PTPRD: variants seen among roughly 807,000 people sequenced by gnomAD.
PTPRD encodes the protein receptor-type tyrosine-protein phosphatase delta.
PTPRD carries 34 observed loss-of-function variants against 214.5 expected under a neutral mutation model. The ratio of observed to expected loss-of-function variants is 0.16; its 90% CI spans 0.12 to 0.21. The LOEUF is 0.21. Ranked by LOEUF, PTPRD falls within the 10% of genes least tolerant of loss-of-function variation. The probability of loss-of-function intolerance (pLI) is 1.00; values close to 1 mark genes in which losing one functional copy is unlikely to be tolerated. For synonymous variants in PTPRD, 1,128 were observed against 845.7 expected (o/e 1.33, Z -5.79); for missense variants, 2,545 against 2,398.7 (o/e 1.06, Z -1.27).
chr9:10,186,689 C>T (rs1279107834), intron 3 of PTPRD, among the ~76,000 whole-genome samples: 1 of 151,990 alleles, frequency 6.6e-6, no homozygotes, highest in Non-Finnish European at 1.5e-5. Context: ...AAGTGTGAAA[C>T]ATTAAGTACA....
At chr9:10,125,395 TTTTTTA>T (rs1228685330) in intron 3 of PTPRD, among the ~76,000 whole-genome samples, 4 of 148,382 alleles carry the variant, frequency 2.7e-5, no homozygotes, top group African/African-American at 9.8e-5. Flanking sequence ...TTCTTTTTTA[TTTTTTA>T]TTTTTATTTA....
At chr9:9,430,627 G>A (rs148907859) in intron 8 of PTPRD, among the ~76,000 whole-genome samples, 1 of 152,134 alleles carries the variant, frequency 6.6e-6, no homozygotes, top group Non-Finnish European at 1.5e-5. Flanking sequence ...AAAGCTGGAG[G>A]CACCAGACTA....
chr9:9,203,890 G>C (rs1445999122), intron 9 of PTPRD, among the ~76,000 whole-genome samples: 2 of 152,158 alleles, frequency 1.3e-5, no homozygotes, highest in Admixed American at 6.5e-5. Flanking sequence ...TAGAGTATGA[G>C]AAGAATTGGA....
chr9:9,486,148 CTCAAAAAAAAAAA>C (rs1225400081), intron 8 of PTPRD, among the ~76,000 whole-genome samples: 1 of 12,534 alleles, frequency 8.0e-5, no homozygotes, highest in Non-Finnish European at 1.2e-4. Flanking sequence ...AAGACTCTCT[CTCAAAAAAAAAAA>C]AAAAAAAAAA....
In PTPRD at chr9:8,526,655, A is replaced by G. The variant is rs1373519410; in HGVS notation, c.551-11T>C. The G allele has an allele frequency of 6.4e-7, 1 of 1,572,190 alleles. No homozygotes were observed. Among genetic ancestry groups the G allele is most frequent in the South Asian group, 1.2e-5 (1 of 84,488 alleles). ...TTATTGGTGTACCACCTGGGTGGAT[A>G]ATATGAATGCAAATAAGATTAGAAA... On this transcript the variant is annotated splice_polypyrimidine_tract_variant and intron_variant, in intron 16 of 45. Transcript: ENST00000381196.
At chr9:8,498,895 G>A (rs1002811848) in intron 25 of PTPRD, among the ~76,000 whole-genome samples, 7 of 152,078 alleles carry the variant, frequency 4.6e-5, no homozygotes, top group African/African-American at 1.7e-4. Flanking sequence ...TCTAATTTAT[G>A]AAAAATTTTG....
intron 10 of PTPRD, among the ~76,000 whole-genome samples, chr9:9,138,977 G>A (rs965412621): frequency 2.6e-5 from 4 of 151,934 alleles, no homozygotes; most frequent in Non-Finnish European, 2.9e-5. Context: ...TCTTCATTAA[G>A]GTATTATATT....
At chr9:10,355,728 T>A (rs934647248) in intron 2 of PTPRD, among the ~76,000 whole-genome samples, 4 of 152,122 alleles carry the variant, frequency 2.6e-5, no homozygotes, top group Non-Finnish European at 5.9e-5. Context: ...TCCGCCCACC[T>A]CGGCCTCCCA....
chr9:9,389,379 A>G (rs1033780483), intron 9 of PTPRD, among the ~76,000 whole-genome samples: 1 of 151,832 alleles, frequency 6.6e-6, no homozygotes, highest in South Asian at 2.1e-4. Context: ...GCGTGGTGGC[A>G]CATGCCTGTA....
intron 6 of PTPRD, among the ~76,000 whole-genome samples, chr9:9,759,421 G>T (rs141309302): frequency 5.3e-5 from 8 of 152,140 alleles, no homozygotes; most frequent in African/African-American, 1.4e-4. Flanking sequence ...GAGCCTCCCA[G>T]TCCCTGCTCT....
At chr9:8,878,885 A>G (rs894555820) in intron 11 of PTPRD, among the ~76,000 whole-genome samples, 6 of 152,158 alleles carry the variant, frequency 3.9e-5, no homozygotes, top group African/African-American at 1.4e-4. Flanking sequence ...TGCATAGCAT[A>G]AGAAAGAATG....
At chr9:8,575,221 C>G (rs560531009) in intron 14 of PTPRD, among the ~76,000 whole-genome samples, 1 of 152,004 alleles carries the variant, frequency 6.6e-6, no homozygotes, top group African/African-American at 2.4e-5. Context: ...GAAATTAACT[C>G]AAATCACTTG....
intron 11 of PTPRD, among the ~76,000 whole-genome samples, chr9:8,758,938 G>A (rs1007869767): frequency 1.3e-5 from 2 of 151,878 alleles, no homozygotes; most frequent in Admixed American, 1.3e-4. Context: ...ACCTGCCTCA[G>A]CCTCCCAAAG....
chr9:10,574,339 G>C (rs980163463), intron 2 of PTPRD, among the ~76,000 whole-genome samples: 1 of 152,046 alleles, frequency 6.6e-6, no homozygotes, highest in Non-Finnish European at 1.5e-5. Flanking sequence ...GAAAGCATAA[G>C]AGGAACCGTT....
At chr9:9,812,724 C>T (rs2047528820) in intron 5 of PTPRD, among the ~76,000 whole-genome samples, 1 of 152,160 alleles carries the variant, frequency 6.6e-6, no homozygotes, top group African/African-American at 2.4e-5. Context: ...ATGGATATAT[C>T]ATCCAGACAG....
chr9:10,365,029 TTC>T (rs780637460), intron 2 of PTPRD, among the ~76,000 whole-genome samples: 8 of 152,142 alleles, frequency 5.3e-5, no homozygotes, highest in African/African-American at 1.7e-4. Flanking sequence ...ATCTTAACAA[TTC>T]TCTCTTTTTT....
intron 4 of PTPRD, among the ~76,000 whole-genome samples, chr9:10,006,379 C>A (rs1162690062): frequency 6.6e-6 from 1 of 151,916 alleles, no homozygotes; most frequent in Non-Finnish European, 1.5e-5. Context: ...ATGCTATATG[C>A]TGATCCCACT....
intron 4 of PTPRD, among the ~76,000 whole-genome samples, chr9:9,938,866 A>T (rs775505071): frequency 6.6e-6 from 1 of 152,166 alleles, no homozygotes; most frequent in Non-Finnish European, 1.5e-5. Flanking sequence ...ACTTGAGCAC[A>T]ATCATTCCTA....
At chr9:10,427,899 C>G (rs576791072) in intron 2 of PTPRD, among the ~76,000 whole-genome samples, 102 of 152,208 alleles carry the variant, frequency 6.7e-4, no homozygotes, top group African/African-American at 2.4e-3. Flanking sequence ...GAGTAGAGAA[C>G]ACATTTTAAC....
Sources: gnomAD v4.1 joint callset for allele counts (sites outside exome capture counted in the v4.1 genomes callset) on GRCh38, gnomAD v4.1.1 for gene constraint, MANE v1.5 for transcripts, NCBI Gene and HGNC (gene_info 2026-07-23, HGNC 2026-07-21) for gene names.